TP53BP1: variants seen among roughly 807,000 people sequenced by gnomAD.
TP53BP1 encodes tumor protein p53 binding protein 1.
TP53BP1 carries 61 observed loss-of-function variants against 200.8 expected under a neutral mutation model. That is an observed-to-expected ratio of 0.30 (90% CI 0.25 to 0.38). The LOEUF is 0.38. TP53BP1 is among the 10% of genes least tolerant of loss of function. The probability of loss-of-function intolerance (pLI) is 1.00; values close to 1 mark genes in which losing one functional copy is unlikely to be tolerated. For missense variants in TP53BP1, 2,144 were observed against 2,371.9 expected, an observed-to-expected ratio of 0.90 and a Z score of 2.00; for synonymous variants, 822 against 844.3, an observed-to-expected ratio of 0.97 and a Z score of 0.46.
At chr15:43,432,798 G>T in intron 16 of TP53BP1, 121 bp from the exon 17 acceptor site, 1 of 1,100,614 alleles carries the variant, frequency 9.1e-7, no homozygotes, top group Non-Finnish European at 1.3e-6. Context: ...GACAATTTGA[G>T]AAATGTAAGG....
chr15:43,433,555 C>A (rs933102092), intron 16 of TP53BP1, among the ~76,000 whole-genome samples: 4 of 152,184 alleles, frequency 2.6e-5, no homozygotes, highest in Admixed American at 2.0e-4. Context: ...ATGCTTAATA[C>A]ATGTACTTTG....
intron 14 of TP53BP1, among the ~76,000 whole-genome samples, chr15:43,445,297 A>C (rs1326920648): frequency 6.6e-6 from 1 of 152,154 alleles, no homozygotes. Context: ...AAGTCAAAGT[A>C]TATTTCCAGA....
At chr15:43,508,184 A>T (rs1341613661) in intron 1 of TP53BP1, among the ~76,000 whole-genome samples, 1 of 151,900 alleles carries the variant, frequency 6.6e-6, no homozygotes, top group African/African-American at 2.4e-5. Context: ...ACATGGTGAA[A>T]CCCCGTCTCT....
At position 43,405,294 on chromosome 15, in the gene TP53BP1, A is replaced by C; in HGVS notation, c.*2089T>G. 6.6e-7 allele frequency: 1 copy of C among 1,505,182 alleles called. No homozygotes were observed. Among genetic ancestry groups the C allele is most frequent in the South Asian group, 1.1e-5 (1 of 88,344 alleles). 93.2% of individuals were successfully genotyped at this position (1,505,182 alleles called of 1,614,324 possible). ...AGATTCAAAACATCCCATTCTAGCC[A>C]CACACAAATAAATATCTGCGGCTTA... On this transcript the variant is annotated 3_prime_UTR_variant, in exon 28 of 28. Coordinates refer to ENST00000382044, the MANE Select transcript of TP53BP1 (RefSeq NM_001141980.3).
At chr15:43,461,183 A>G (rs1037110760) in intron 11 of TP53BP1, among the ~76,000 whole-genome samples, 1 of 152,076 alleles carries the variant, frequency 6.6e-6, no homozygotes, top group African/African-American at 2.4e-5. Context: ...AGAATAGGAA[A>G]CAATATGAAA....
rs370694793 is a variant in TP53BP1 at position 43,434,766 on chromosome 15, T to C, written c.3192-2089A>G. 5.3e-5 allele frequency among the ~76,000 whole-genome samples: 8 copies of C among 152,256 alleles called. No homozygotes were observed. In the East Asian group the frequency reaches 5.8e-4, roughly 11 times the overall value. ...TTTTGTTTATAAGCTATCTAGCCTA[T>C]GGCAGTTTGTTGCAGCAGCCCAAAG... On this transcript the variant is annotated intron_variant, in intron 16 of 27. Coordinates refer to ENST00000382044, the MANE Select transcript of TP53BP1 (RefSeq NM_001141980.3).
At position 43,404,341 on chromosome 15, in the gene TP53BP1, C is replaced by G. The variant is rs2044782681; in HGVS notation, c.*3042G>C. ...CAAGGCTTTTCCAAGAAACTCCTCCCTCCGCCCCCATCCTCCATATGGAGA... is the reference window on the plus strand; with the variant it reads ...CAAGGCTTTTCCAAGAAACTCCTCCGTCCGCCCCCATCCTCCATATGGAGA... On this transcript the variant is annotated 3_prime_UTR_variant, in exon 28 of 28. Coordinates refer to ENST00000382044, the MANE Select transcript of TP53BP1 (RefSeq NM_001141980.3). 2 of 1,579,800 alleles carry G rather than the reference C, an allele frequency of 1.3e-6. No homozygotes were observed. Among genetic ancestry groups the G allele is most frequent in the Admixed American group, 3.5e-5 (2 of 56,664 alleles).
chr15:43,438,300 A>G (rs866238312), intron 16 of TP53BP1, 24 bp downstream of exon 16: 1 of 1,607,146 alleles, frequency 6.2e-7, no homozygotes, highest in Non-Finnish European at 8.5e-7. Context: ...GGAGCCCAAA[A>G]GATTCTATAA....
chr15:43,419,934 G>A (rs2142990227), intron 21 of TP53BP1, among the ~76,000 whole-genome samples: 1 of 151,658 alleles, frequency 6.6e-6, no homozygotes, highest in African/African-American at 2.4e-5. Flanking sequence ...TCCAAATAAA[G>A]TCTAAAGTTT....
At chr15:43,499,001 A>G (rs2079195671) in intron 1 of TP53BP1, among the ~76,000 whole-genome samples, 1 of 151,944 alleles carries the variant, frequency 6.6e-6, no homozygotes, top group Non-Finnish European at 1.5e-5. Flanking sequence ...TCATTTTGCA[A>G]ATTAAAAACA....
chr15:43,415,545 G>A, intron 23 of TP53BP1, 49 bp downstream of exon 23: 1 of 1,584,442 alleles, frequency 6.3e-7, no homozygotes, highest in Non-Finnish European at 8.7e-7. Context: ...AGCTGACCCT[G>A]CATTCTGCCA....
Position 43,432,550 on chromosome 15 carries a change from G to A in TP53BP1, c.3319C>T (p.Pro1107Ser), listed in dbSNP as rs762644237. 1 of 1,614,156 alleles carries A rather than the reference G, an allele frequency of 6.2e-7. No homozygotes were observed. Among genetic ancestry groups the A allele is most frequent in the South Asian group, 1.1e-5 (1 of 91,074 alleles). ...PISPVKDPVSPASQKMVIQGP... is the reference protein window; with the variant it reads ...PISPVKDPVSSASQKMVIQGP... The stretch of plus-strand genomic sequence containing the variant: ...TGTATGACCATCTTCTGGGAAGCAG[G>A]AGAAACAGGGTCCTTGACAGGACTA... The change falls in exon 17 of 28, where the codon CCT becomes TCT. Residue 1107 changes from proline (P) to serine (S), a missense_variant. By Grantham distance (74) the Pro-to-Ser change is moderately conservative (BLOSUM62 -1). This residue lies in a region of TP53BP1 where 1,700 missense variants were observed against 1,710.3 expected (regional missense o/e 0.99). Coordinates refer to ENST00000382044, the MANE Select transcript of TP53BP1 (RefSeq NM_001141980.3).
intron 4 of TP53BP1, among the ~76,000 whole-genome samples, chr15:43,482,805 C>T (rs533947622): frequency 6.4e-4 from 98 of 152,242 alleles, no homozygotes; most frequent in South Asian, 2.5e-3. Flanking sequence ...TGTCATGTGC[C>T]TGTAGTCCCA....
intron 11 of TP53BP1, among the ~76,000 whole-genome samples, chr15:43,465,478 A>G (rs564319086): frequency 6.6e-6 from 1 of 152,262 alleles, no homozygotes; most frequent in South Asian, 2.1e-4. Flanking sequence ...GATCAAAAGT[A>G]GGAGGCAAAA....
intron 12 of TP53BP1, among the ~76,000 whole-genome samples, chr15:43,452,184 TATATTTTTAAGTACAAAATA>T (rs1317982987): frequency 6.6e-6 from 1 of 152,014 alleles, no homozygotes; most frequent in Non-Finnish European, 1.5e-5. Flanking sequence ...ACTAAACAAC[TATATTTTTAAGTACAAAATA>T]ATATTTTTCT....
chr15:43,460,793 C>G (rs1184979213), intron 11 of TP53BP1, among the ~76,000 whole-genome samples: 1 of 150,770 alleles, frequency 6.6e-6, no homozygotes, highest in East Asian at 1.9e-4. Context: ...AAGGCCGAGG[C>G]AGAAGGATTA....
At chr15:43,417,062 T>C (rs970778765) in intron 21 of TP53BP1, 3 of 152,252 alleles carry the variant, frequency 2.0e-5, no homozygotes, top group African/African-American at 7.2e-5. Context: ...CTAGGCCTAA[T>C]TCTGCTGCCA....
At chr15:43,429,376 C>T (rs2045620992) in intron 17 of TP53BP1, among the ~76,000 whole-genome samples, 1 of 152,084 alleles carries the variant, frequency 6.6e-6, no homozygotes, top group African/African-American at 2.4e-5. Context: ...ACATCTTTAT[C>T]CTCCCTCCTA....
intron 14 of TP53BP1, among the ~76,000 whole-genome samples, chr15:43,445,389 C>T (rs2046018311): frequency 6.6e-6 from 1 of 152,106 alleles, no homozygotes; most frequent in Non-Finnish European, 1.5e-5. Context: ...GCTTCATATA[C>T]CCTCCTAGTT....
Sources: allele counts gnomAD v4.1 joint callset (sites outside exome capture counted in the v4.1 genomes callset), GRCh38; gene constraint gnomAD v4.1.1; regional missense constraint gnomAD v4.1.1; transcripts MANE v1.5; gene names NCBI Gene and HGNC (gene_info 2026-07-23, HGNC 2026-07-21).